Variants in OR1L6 observed in about 807,000 individuals in gnomAD.
OR1L6 encodes the protein olfactory receptor 1L6.
Under a neutral mutation model 3.0 loss-of-function variants are expected in OR1L6, and 2 were observed. The ratio of observed to expected loss-of-function variants is 0.68; its 90% CI spans 0.28 to 2.13. OR1L6 has a LOEUF of 2.13. OR1L6 is among the 30% of genes most tolerant of loss of function. The pLI is 0.14. For missense variants in OR1L6, 304 were observed against 378.4 expected (o/e 0.80, Z 1.63); for synonymous variants, 121 against 148.4 (o/e 0.82, Z 1.34).
At chr9:122,749,710 A>AG (rs1564249670) in intron 1 of OR1L6, 125 bp from the exon 2 acceptor site, 38 of 934,410 alleles carry the variant, frequency 4.1e-5, no homozygotes, top group Non-Finnish European at 6.0e-5. Context: ...TCCGTCTCAA[A>AG]GAAAAAAAAA....
chr9:122,745,562 A>G (rs7028715), intron 1 of OR1L6, among the ~76,000 whole-genome samples: 2,774 of 151,478 alleles, frequency 0.018, 90 homozygotes, highest in African/African-American at 0.063. Flanking sequence ...GCAGGCGCCC[A>G]CCACAACGCC....
chr9:122,750,194 T>G lies in OR1L6; in HGVS notation c.347T>G (p.Leu116Arg), dbSNP rs756298209. 1.9e-5 allele frequency: 30 copies of G among 1,613,924 alleles called. No individual in the cohort carries two copies. Among genetic ancestry groups the G allele is most frequent in the Non-Finnish European group, 2.5e-5 (29 of 1,179,946 alleles). The change falls in exon 2 of 2, where the codon CTG becomes CGG. Residue 116 changes from leucine (L) to arginine (R), a missense_variant. By Grantham distance (102) the Leu-to-Arg change is moderately radical. Coordinates refer to ENST00000304720, the MANE Select transcript of OR1L6 (RefSeq NM_001004453.3). ...TTTGGGAACACTGACAGCTACCTGC[T>G]GGCCTCTATGGCCATCGACCGGCTG... Reference protein sequence around the residue: ...MAFGNTDSYLLASMAIDRLVA... With the variant: ...MAFGNTDSYLRASMAIDRLVA...
intron 1 of OR1L6, among the ~76,000 whole-genome samples, chr9:122,744,533 G>A (rs1481492223): frequency 6.6e-6 from 1 of 152,190 alleles, no homozygotes; most frequent in Non-Finnish European, 1.5e-5. Flanking sequence ...AAGTTTAGAA[G>A]TATAGAAATA....
chr9:122,743,071 C>T (rs899617694), intron 1 of OR1L6, among the ~76,000 whole-genome samples: 1 of 152,210 alleles, frequency 6.6e-6, no homozygotes, highest in East Asian at 1.9e-4. Flanking sequence ...TCCACAGCCC[C>T]TTCCTTAGGA....
intron 1 of OR1L6, chr9:122,749,603 G>A (rs1828869161): frequency 1.8e-6 from 1 of 552,384 alleles, no homozygotes; most frequent in East Asian, 3.2e-5. Flanking sequence ...AGCTACTCGG[G>A]AGGCTGAGGC....
rs543940903 is a variant in OR1L6, at chr9:122,749,727, G to A, written c.-13-108G>A. On this transcript the variant is annotated intron_variant, in intron 1 of 1. Coordinates refer to ENST00000304720, the MANE Select transcript of OR1L6 (RefSeq NM_001004453.3). ...CGTCTCAAAGAAAAAAAAAACAACC[G>A]TAACAAAGGGCTATGAGCTATTTTT... 52 of 1,045,420 alleles carry A rather than the reference G, an allele frequency of 5.0e-5. No homozygotes were observed. The African/African-American group carries it at 5.6e-4, about 11-fold the overall frequency. 64.8% of individuals were successfully genotyped at this position (1,045,420 alleles called of 1,614,324 possible).
At chr9:122,743,001 T>C (rs1232754570) in intron 1 of OR1L6, among the ~76,000 whole-genome samples, 1 of 152,104 alleles carries the variant, frequency 6.6e-6, no homozygotes, top group African/African-American at 2.4e-5. Context: ...GCTAAAATGA[T>C]GAAGGTGAAA....
chr9:122,748,719 T>A (rs1828860215), intron 1 of OR1L6, among the ~76,000 whole-genome samples: 1 of 152,198 alleles, frequency 6.6e-6, no homozygotes, highest in South Asian at 2.1e-4. Flanking sequence ...CTATTATCCA[T>A]CATTCCACTC....
In OR1L6 at chr9:122,750,106, C is replaced by G; in HGVS notation, c.259C>G (p.Leu87Val). The G allele has an allele frequency of 1.2e-6, 2 of 1,614,050 alleles. No individual in the cohort carries two copies. Among genetic ancestry groups the G allele is most frequent in the Non-Finnish European group, 1.7e-6 (2 of 1,179,954 alleles). The stretch of plus-strand genomic sequence containing the variant: ...AGTGCCTAAGATGCTGGTGAATTTT[C>G]TATCAGAGACAAAGGTTATCTCCTA... ...VIVPKMLVNF[L>V]SETKVISYVG... The change falls in exon 2 of 2, where the codon CTA becomes GTA. Residue 87 changes from leucine (L) to valine (V), a missense_variant. Physicochemically the swap from Leu to Val is conservative, Grantham distance 32. Transcript: ENST00000304720.
rs140688161 is a variant in OR1L6 at position 122,743,885 on chromosome 9, C to T, written c.-14+1512C>T. On this transcript the variant is annotated intron_variant, in intron 1 of 1. Coordinates refer to ENST00000304720, the MANE Select transcript of OR1L6 (RefSeq NM_001004453.3). The stretch of plus-strand genomic sequence containing the variant: ...AGTGGGTCAGCAAGGAGGCTGAAGG[C>T]ACTTGGCAATAAGATGGCCTCTGTT... Among the ~76,000 whole-genome samples, 655 of 152,210 alleles carry T rather than the reference C, an allele frequency of 4.3e-3. 5 individuals carry two copies. Among genetic ancestry groups the T allele is most frequent in the African/African-American group, 0.015 (631 of 41,530 alleles).
intron 1 of OR1L6, among the ~76,000 whole-genome samples, chr9:122,744,151 C>T (rs996151717): frequency 6.6e-6 from 1 of 152,190 alleles, no homozygotes; most frequent in Non-Finnish European, 1.5e-5. Context: ...TAAGCACAGA[C>T]TCTGTCTAAT....
At chr9:122,747,629 A>T (rs1018918531) in intron 1 of OR1L6, among the ~76,000 whole-genome samples, 90 of 152,098 alleles carry the variant, frequency 5.9e-4, no homozygotes, top group African/African-American at 2.0e-3. Flanking sequence ...ATTTATTTTT[A>T]TTGCTCAGGT....
chr9:122,742,419 A>G (rs948699903), intron 1 of OR1L6, 46 bp downstream of exon 1: 1 of 152,176 alleles, frequency 6.6e-6, no homozygotes, highest in Non-Finnish European at 1.5e-5. Context: ...TGGAGTCAAT[A>G]TCTTCAGGTG....
chr9:122,743,155 G>A (rs7869835), intron 1 of OR1L6, among the ~76,000 whole-genome samples: 4,970 of 152,250 alleles, frequency 0.033, 230 homozygotes, highest in African/African-American at 0.1. Context: ...AGGTAGGGGA[G>A]GCACCAGGAA....
At chr9:122,743,100 T>C (rs1004209567) in intron 1 of OR1L6, among the ~76,000 whole-genome samples, 1 of 152,230 alleles carries the variant, frequency 6.6e-6, no homozygotes, top group African/African-American at 2.4e-5. Flanking sequence ...ACTTAATCTG[T>C]AATAGCTGTA....
chr9:122,745,587 T>A (rs1828829144), intron 1 of OR1L6, among the ~76,000 whole-genome samples: 1 of 151,912 alleles, frequency 6.6e-6, no homozygotes, highest in African/African-American at 2.4e-5. Flanking sequence ...TAAGTTTTTG[T>A]ATTTTTAGTA....
At chr9:122,745,385 G>A (rs1223755481) in intron 1 of OR1L6, among the ~76,000 whole-genome samples, 1 of 141,244 alleles carries the variant, frequency 7.1e-6, no homozygotes, top group Non-Finnish European at 1.5e-5. Context: ...TTTAAATTAC[G>A]AAATGACTAT....
At chr9:122,743,240 T>C (rs1828806274) in intron 1 of OR1L6, among the ~76,000 whole-genome samples, 1 of 152,110 alleles carries the variant, frequency 6.6e-6, no homozygotes, top group Admixed American at 6.5e-5. Context: ...AGAAAATCAG[T>C]GATTCCCAGG....
At chr9:122,743,426 AT>A (rs1262805857) in intron 1 of OR1L6, among the ~76,000 whole-genome samples, 1 of 152,256 alleles carries the variant, frequency 6.6e-6, no homozygotes, top group Non-Finnish European at 1.5e-5. Context: ...AGCAAGAGAC[AT>A]GAGGTAAACC....
Sources: allele counts gnomAD v4.1 joint callset (sites outside exome capture counted in the v4.1 genomes callset), GRCh38; gene constraint gnomAD v4.1.1; transcripts MANE v1.5; gene names NCBI Gene and HGNC (gene_info 2026-07-23, HGNC 2026-07-21).